TUSC3: variants seen among roughly 807,000 people sequenced by gnomAD.
TUSC3 encodes dolichyl-diphosphooligosaccharide--protein glycosyltransferase subunit TUSC3.
Under a neutral mutation model 44.8 loss-of-function variants are expected in TUSC3, and 45 were observed. That is an observed-to-expected ratio of 1.00 (90% CI 0.79 to 1.29). The LOEUF is 1.29. Ranked by LOEUF, TUSC3 falls within the 50% of genes most tolerant of loss-of-function variation. TUSC3 has a pLI of 0.00. For missense variants in TUSC3, 519 were observed against 437.9 expected (o/e 1.19, Z -1.65); for synonymous variants, 212 against 152.9 (o/e 1.39, Z -2.85).
intron 3 of TUSC3, among the ~76,000 whole-genome samples, chr8:15,657,440 T>A (rs1807223337): frequency 6.6e-6 from 1 of 152,224 alleles, no homozygotes; most frequent in Non-Finnish European, 1.5e-5. Context: ...ACACTTCAGC[T>A]AAGTTCTTTG....
At chr8:15,713,830 G>T (rs1253442166) in intron 6 of TUSC3, among the ~76,000 whole-genome samples, 1 of 152,200 alleles carries the variant, frequency 6.6e-6, no homozygotes, top group Non-Finnish European at 1.5e-5. Context: ...TTGGACTTAG[G>T]CATTTTTGGG....
At chr8:15,736,466 G>A (rs1040366918) in intron 7 of TUSC3, among the ~76,000 whole-genome samples, 2 of 152,150 alleles carry the variant, frequency 1.3e-5, no homozygotes, top group African/African-American at 4.8e-5. Context: ...AATTTGAACT[G>A]TGGTATCAAA....
intron 6 of TUSC3, among the ~76,000 whole-genome samples, chr8:15,699,210 C>A (rs1399272713): frequency 6.6e-6 from 1 of 152,156 alleles, no homozygotes; most frequent in Non-Finnish European, 1.5e-5. Flanking sequence ...AACTAGCAAT[C>A]ATTTAACTGT....
intron 6 of TUSC3, among the ~76,000 whole-genome samples, chr8:15,688,457 G>C (rs1210248092): frequency 7.4e-6 from 1 of 135,036 alleles, no homozygotes; most frequent in African/African-American, 2.8e-5. Flanking sequence ...TAACTTTTAG[G>C]TTCAAGGGTA....
chr8:15,631,424 CT>C (rs943372448), intron 2 of TUSC3, among the ~76,000 whole-genome samples: 18 of 151,970 alleles, frequency 1.2e-4, no homozygotes, highest in African/African-American at 3.9e-4. Flanking sequence ...TAAAGTCCAG[CT>C]ATAGTCTCTT....
At chr8:15,544,062 C>T (rs994708957) in intron 1 of TUSC3, among the ~76,000 whole-genome samples, 7 of 151,994 alleles carry the variant, frequency 4.6e-5, no homozygotes, top group Admixed American at 2.0e-4. Flanking sequence ...AGTGAATAGG[C>T]AAAGAAGATT....
intron 2 of TUSC3, among the ~76,000 whole-genome samples, chr8:15,534,078 A>G (rs1035468201): frequency 1.3e-5 from 2 of 152,118 alleles, no homozygotes; most frequent in African/African-American, 4.8e-5. Flanking sequence ...CAGGATCAAC[A>G]TGAGTGGCAG....
chr8:15,710,416 G>T (rs916582539), intron 6 of TUSC3, among the ~76,000 whole-genome samples: 9 of 151,808 alleles, frequency 5.9e-5, no homozygotes, highest in Non-Finnish European at 1.3e-4. Context: ...ATGAAATAAA[G>T]AGTGAGAGTG....
At chr8:15,633,121 C>T (rs569487619) in intron 2 of TUSC3, among the ~76,000 whole-genome samples, 12 of 152,166 alleles carry the variant, frequency 7.9e-5, no homozygotes, top group Non-Finnish European at 1.5e-4. Context: ...GATGTGTATA[C>T]GTATTTTAAA....
chr8:15,523,840 G>A (rs28438600), intron 2 of TUSC3, among the ~76,000 whole-genome samples: 17,073 of 150,496 alleles, frequency 0.11, 1,142 homozygotes, highest in South Asian at 0.25. Flanking sequence ...GGCAGATCAT[G>A]AGGTCAAGAA....
chr8:15,674,924 T>C (rs1445804843), intron 6 of TUSC3, among the ~76,000 whole-genome samples: 3 of 152,046 alleles, frequency 2.0e-5, no homozygotes, highest in African/African-American at 7.2e-5. Flanking sequence ...TTCACACAAA[T>C]GCTGGCTTCC....
At chr8:15,543,177 T>C (rs2129133594) in intron 1 of TUSC3, among the ~76,000 whole-genome samples, 1 of 152,310 alleles carries the variant, frequency 6.6e-6, no homozygotes, top group South Asian at 2.1e-4. Context: ...ATGCCTATGA[T>C]AAGATTTGGC....
chr8:15,835,351 A>T, the TUSC3 span, among the ~76,000 whole-genome samples: 4 of 150,722 alleles, frequency 2.7e-5, no homozygotes, highest in East Asian at 7.8e-4. Flanking sequence ...ATTAATTTAT[A>T]TGAGGATTCA....
At chr8:15,698,137 A>G (rs974634477) in intron 6 of TUSC3, among the ~76,000 whole-genome samples, 31 of 152,208 alleles carry the variant, frequency 2.0e-4, no homozygotes, top group African/African-American at 7.2e-4. Flanking sequence ...ATTGAAGTTT[A>G]TAATATTCAA....
intron 1 of TUSC3, among the ~76,000 whole-genome samples, chr8:15,602,588 G>C (rs906791170): frequency 6.6e-6 from 1 of 151,382 alleles, no homozygotes; most frequent in Admixed American, 6.6e-5. Context: ...TTGTGATACT[G>C]TGCAAATTGC....
chr8:15,746,290 C>T (rs1159157020), intron 8 of TUSC3, among the ~76,000 whole-genome samples: 1 of 152,072 alleles, frequency 6.6e-6, no homozygotes. Flanking sequence ...TTCTCTAACT[C>T]CAGCTCCCAG....
At chr8:15,574,257 G>A (rs1303248799) in intron 1 of TUSC3, among the ~76,000 whole-genome samples, 1 of 151,798 alleles carries the variant, frequency 6.6e-6, no homozygotes, top group Non-Finnish European at 1.5e-5. Flanking sequence ...CTCTCTCTTT[G>A]TCTTAATCTA....
At chr8:15,510,550 A>T (rs559332714) in intron 2 of TUSC3, among the ~76,000 whole-genome samples, 4 of 152,240 alleles carry the variant, frequency 2.6e-5, no homozygotes, top group African/African-American at 9.6e-5. Flanking sequence ...GAATCAGACA[A>T]CCCCAACACT....
intron 1 of TUSC3, among the ~76,000 whole-genome samples, chr8:15,553,051 A>T (rs1802112470): frequency 6.6e-6 from 1 of 151,728 alleles, no homozygotes; most frequent in African/African-American, 2.4e-5. Context: ...ATTTCTTGAT[A>T]AAAGGGAAAT....
Sources: allele counts gnomAD v4.1 joint callset (sites outside exome capture counted in the v4.1 genomes callset), GRCh38; gene constraint gnomAD v4.1.1; transcripts MANE v1.5; gene names NCBI Gene and HGNC (gene_info 2026-07-23, HGNC 2026-07-21).